Variants in EDIL3 observed in about 807,000 individuals in gnomAD.
The protein encoded by EDIL3 is EGF-like repeat and discoidin I-like domain-containing protein 3.
EDIL3 carries 37 observed loss-of-function variants against 67.4 expected under a neutral mutation model. The observed-to-expected ratio is 0.55, with a 90% CI of 0.42 to 0.72. EDIL3 has a LOEUF of 0.72. EDIL3 is among the 30% of genes least tolerant of loss of function. EDIL3 has a pLI of 0.00. For synonymous variants in EDIL3, 195 were observed against 196.3 expected, an observed-to-expected ratio of 0.99 and a Z score of 0.05; for missense variants, 527 against 586.3, an observed-to-expected ratio of 0.90 and a Z score of 1.04.
At chr5:84,040,914 T>C (rs34317299) in intron 9 of EDIL3, among the ~76,000 whole-genome samples, 28,649 of 152,154 alleles carry the variant, frequency 0.19, 3,005 homozygotes, top group Admixed American at 0.24. Flanking sequence ...GATGGATCGC[T>C]TGAGCTCAAG....
At chr5:84,334,759 T>C (rs535847256) in intron 1 of EDIL3, among the ~76,000 whole-genome samples, 3 of 152,288 alleles carry the variant, frequency 2.0e-5, no homozygotes, top group East Asian at 3.9e-4. Context: ...TTTTCTTCTA[T>C]CTTCCTAAAG....
chr5:84,158,048 C>A (rs558504181), intron 4 of EDIL3, among the ~76,000 whole-genome samples: 13 of 152,160 alleles, frequency 8.5e-5, no homozygotes, highest in South Asian at 6.2e-4. Context: ...AAATAGCATA[C>A]AGACAAAACA....
chr5:84,184,466 T>G (rs753534056), intron 3 of EDIL3, among the ~76,000 whole-genome samples: 2 of 152,178 alleles, frequency 1.3e-5, no homozygotes, highest in Non-Finnish European at 2.9e-5. Context: ...AATTGTGATG[T>G]CCAAAATTCA....
chr5:84,223,850 A>AG (rs1744397556), intron 3 of EDIL3, among the ~76,000 whole-genome samples: 1 of 151,550 alleles, frequency 6.6e-6, no homozygotes, highest in Non-Finnish European at 1.5e-5. Context: ...TTTACTATAT[A>AG]TATGTATTTA....
At chr5:84,201,945 T>C (rs995561444) in intron 3 of EDIL3, among the ~76,000 whole-genome samples, 1 of 151,996 alleles carries the variant, frequency 6.6e-6, no homozygotes, top group Non-Finnish European at 1.5e-5. Context: ...ATTTTAAAAA[T>C]AGAATTAAAA....
chr5:84,360,393 T>G (rs1403657619), intron 1 of EDIL3, among the ~76,000 whole-genome samples: 3 of 152,172 alleles, frequency 2.0e-5, no homozygotes, highest in African/African-American at 7.2e-5. Flanking sequence ...TTCAATTAAT[T>G]CAGTCAGAAT....
chr5:84,075,199 T>C lies in EDIL3; in HGVS notation c.652-8593A>G, dbSNP rs562035499. Reference sequence around the variant, plus strand: ...GAGCATCACACTCTGGGTACTGTTGTGGGGTGGGGGGAGTGGGGAGGGATA... The same window carrying C: ...GAGCATCACACTCTGGGTACTGTTGCGGGGTGGGGGGAGTGGGGAGGGATA... On this transcript the variant is annotated intron_variant, in intron 6 of 10. Coordinates refer to ENST00000296591, the MANE Select transcript of EDIL3 (RefSeq NM_005711.5). Among the ~76,000 whole-genome samples the C allele has an allele frequency of 3.0e-5, 4 of 131,270 alleles. No individual in the cohort carries two copies. The South Asian group carries it at 1.0e-3, about 33-fold the overall frequency. The allele number at this position is 131,270 out of a possible 152,430, so 86.1% of individuals were successfully genotyped here. A position where few individuals can be genotyped will look rare whatever the true frequency, so the allele number is the denominator to read the frequency against.
At chr5:84,003,060 C>T (rs1277240697) in intron 9 of EDIL3, among the ~76,000 whole-genome samples, 1 of 152,170 alleles carries the variant, frequency 6.6e-6, no homozygotes, top group Non-Finnish European at 1.5e-5. Flanking sequence ...ATCTTGGCTG[C>T]CACCAGGCTT....
intron 1 of EDIL3, among the ~76,000 whole-genome samples, chr5:84,375,634 TACACATC>T (rs2112217877): frequency 6.6e-6 from 1 of 152,300 alleles, no homozygotes; most frequent in South Asian, 2.1e-4. Flanking sequence ...AGCATGCTTC[TACACATC>T]ACATTGAATA....
At chr5:84,108,645 G>C (rs907856404) in intron 5 of EDIL3, among the ~76,000 whole-genome samples, 1 of 152,142 alleles carries the variant, frequency 6.6e-6, no homozygotes, top group Non-Finnish European at 1.5e-5. Context: ...GATCTTTACA[G>C]ACTTCATAAA....
intron 3 of EDIL3, among the ~76,000 whole-genome samples, chr5:84,197,465 A>AG (rs1335904768): frequency 5.3e-5 from 8 of 152,006 alleles, no homozygotes; most frequent in Admixed American, 3.3e-4. Context: ...GATGGAGACC[A>AG]TCTGGCCAAC....
intron 2 of EDIL3, among the ~76,000 whole-genome samples, chr5:84,236,858 G>A (rs986691656): frequency 2.0e-5 from 3 of 151,422 alleles, no homozygotes; most frequent in African/African-American, 7.3e-5. Flanking sequence ...ATAAAACGAA[G>A]AAACTTGTAA....
chr5:84,260,132 C>T (rs1427163062), intron 1 of EDIL3, among the ~76,000 whole-genome samples: 2 of 152,104 alleles, frequency 1.3e-5, no homozygotes, highest in African/African-American at 2.4e-5. Context: ...ATCACATATT[C>T]ATATGCCACA....
At chr5:84,084,123 T>C (rs1368221154) in intron 6 of EDIL3, among the ~76,000 whole-genome samples, 1 of 152,146 alleles carries the variant, frequency 6.6e-6, no homozygotes, top group Non-Finnish European at 1.5e-5. Context: ...CACTCCTATA[T>C]AGCAAGAAAT....
chr5:84,345,434 T>G (rs1217511510), intron 1 of EDIL3, among the ~76,000 whole-genome samples: 1 of 152,130 alleles, frequency 6.6e-6, no homozygotes, highest in African/African-American at 2.4e-5. Context: ...ATCTAAAAGC[T>G]ATGACTTAGG....
chr5:84,294,384 C>CAAAAA (rs1173407354), intron 1 of EDIL3, among the ~76,000 whole-genome samples: 1 of 31,784 alleles, frequency 3.1e-5, no homozygotes, highest in Admixed American at 3.4e-4. Flanking sequence ...GACTCTGTCT[C>CAAAAA]AAAAAAAAAA....
At chr5:84,185,317 C>T (rs1329392306) in intron 3 of EDIL3, among the ~76,000 whole-genome samples, 1 of 152,076 alleles carries the variant, frequency 6.6e-6, no homozygotes, top group African/African-American at 2.4e-5. Context: ...GGAAACATTT[C>T]AGAATATTTT....
intron 1 of EDIL3, among the ~76,000 whole-genome samples, chr5:84,327,171 C>T (rs1246194027): frequency 1.3e-5 from 2 of 151,900 alleles, no homozygotes; most frequent in African/African-American, 2.4e-5. Flanking sequence ...TATAATACAT[C>T]ATTATTAATT....
At chr5:84,012,831 C>T (rs1248507248) in intron 9 of EDIL3, among the ~76,000 whole-genome samples, 1 of 151,880 alleles carries the variant, frequency 6.6e-6, no homozygotes, top group Non-Finnish European at 1.5e-5. Context: ...ATGATTTAGT[C>T]TTTTTTTCCT....
Sources: allele counts gnomAD v4.1 joint callset (sites outside exome capture counted in the v4.1 genomes callset), GRCh38; gene constraint gnomAD v4.1.1; transcripts MANE v1.5; gene names NCBI Gene and HGNC (gene_info 2026-07-23, HGNC 2026-07-21).